Variants in NRXN1 observed in about 807,000 individuals in gnomAD.
NRXN1 encodes neurexin-1.
NRXN1 carries 39 observed loss-of-function variants against 150.9 expected under a neutral mutation model. That is an observed-to-expected ratio of 0.26 (90% CI 0.20 to 0.34). The LOEUF is 0.34. NRXN1 is among the 10% of genes least tolerant of loss of function. The pLI is 1.00. For missense variants in NRXN1, 1,815 were observed against 1,949.9 expected, an observed-to-expected ratio of 0.93 and a Z score of 1.30; for synonymous variants, 924 against 757.0, an observed-to-expected ratio of 1.22 and a Z score of -3.62.
intron 15 of NRXN1, among the ~76,000 whole-genome samples, chr2:50,481,765 T>C (rs1305624709): frequency 1.8e-5 from 2 of 112,540 alleles, no homozygotes; most frequent in African/African-American, 8.3e-5. Context: ...TGTTTCTTTT[T>C]TTTTTTTTTT....
At chr2:50,611,198 A>G (rs1349354142) in intron 8 of NRXN1, among the ~76,000 whole-genome samples, 1 of 152,032 alleles carries the variant, frequency 6.6e-6, no homozygotes, top group African/African-American at 2.4e-5. Flanking sequence ...GCTGCTTTCT[A>G]CTGGGCTGAA....
At chr2:50,503,827 G>T (rs752573466) in intron 13 of NRXN1, among the ~76,000 whole-genome samples, 2 of 152,090 alleles carry the variant, frequency 1.3e-5, no homozygotes, top group Admixed American at 6.6e-5. Flanking sequence ...GGGAGAAAAC[G>T]TAGTAATTAT....
intron 2 of NRXN1, among the ~76,000 whole-genome samples, chr2:51,013,735 T>A (rs1368406651): frequency 6.6e-6 from 1 of 152,076 alleles, no homozygotes; most frequent in Admixed American, 6.5e-5. Flanking sequence ...TCTGCTGACC[T>A]GTTCTCACAT....
At chr2:49,955,341 C>T (rs2104493733) in intron 21 of NRXN1, among the ~76,000 whole-genome samples, 1 of 152,234 alleles carries the variant, frequency 6.6e-6, no homozygotes, top group African/African-American at 2.4e-5. Context: ...TGCCTTATAA[C>T]ATCTCTAGAA....
At chr2:50,855,841 C>G (rs1675200346) in intron 5 of NRXN1, among the ~76,000 whole-genome samples, 1 of 151,910 alleles carries the variant, frequency 6.6e-6, no homozygotes, top group Admixed American at 6.6e-5. Context: ...CAAGACAAAC[C>G]TCTAAATATA....
At chr2:50,701,604 C>T (rs998605000) in intron 5 of NRXN1, among the ~76,000 whole-genome samples, 4 of 152,132 alleles carry the variant, frequency 2.6e-5, no homozygotes, top group East Asian at 1.9e-4. Flanking sequence ...TCTCTGTCAG[C>T]GTCCTGCATA....
intron 5 of NRXN1, among the ~76,000 whole-genome samples, chr2:50,737,950 T>A (rs991854427): frequency 2.0e-5 from 3 of 151,942 alleles, no homozygotes; most frequent in Admixed American, 1.3e-4. Flanking sequence ...CTAAGGAATA[T>A]CAACCAATCA....
At chr2:50,780,451 A>G (rs1247388565) in intron 5 of NRXN1, among the ~76,000 whole-genome samples, 4 of 152,132 alleles carry the variant, frequency 2.6e-5, no homozygotes, top group Admixed American at 2.6e-4. Flanking sequence ...TTATGAGTCT[A>G]TATTATTTCT....
At chr2:50,903,218 C>A (rs927222384) in intron 5 of NRXN1, among the ~76,000 whole-genome samples, 3 of 151,936 alleles carry the variant, frequency 2.0e-5, no homozygotes, top group Non-Finnish European at 4.4e-5. Context: ...ATTTGAGGAC[C>A]CTTTGCAATC....
intron 17 of NRXN1, among the ~76,000 whole-genome samples, chr2:50,382,050 G>C (rs1003643068): frequency 3.9e-5 from 6 of 152,114 alleles, no homozygotes; most frequent in African/African-American, 1.2e-4. Context: ...GCCCAGAGTA[G>C]AGCAGAGAGA....
chr2:50,975,154 T>C (rs1286530139), intron 2 of NRXN1, among the ~76,000 whole-genome samples: 1 of 152,158 alleles, frequency 6.6e-6, no homozygotes, highest in African/African-American at 2.4e-5. Context: ...CATGATTTGA[T>C]GATGTCATCA....
chr2:50,380,185 T>C (rs555708974), intron 17 of NRXN1, among the ~76,000 whole-genome samples: 2 of 152,078 alleles, frequency 1.3e-5, no homozygotes, highest in Non-Finnish European at 2.9e-5. Flanking sequence ...ACCTTACCAT[T>C]GTGAAACTCA....
intron 5 of NRXN1, among the ~76,000 whole-genome samples, chr2:50,859,834 ATGTTTG>A (rs746330732): frequency 2.3e-5 from 2 of 87,940 alleles, no homozygotes; most frequent in Admixed American, 1.2e-4. Flanking sequence ...ACACACAATT[ATGTTTG>A]TGTGTGTGTG....
chr2:50,872,596 G>T (rs1346948822), intron 5 of NRXN1, among the ~76,000 whole-genome samples: 1 of 151,468 alleles, frequency 6.6e-6, no homozygotes, highest in Non-Finnish European at 1.5e-5. Flanking sequence ...CAGGGCTCAA[G>T]AAAATAAGAA....
intron 5 of NRXN1, among the ~76,000 whole-genome samples, chr2:50,753,972 G>A (rs1038476943): frequency 4.4e-5 from 6 of 135,186 alleles, no homozygotes; most frequent in Middle Eastern, 4.0e-3. Flanking sequence ...TTTGGGGGGG[G>A]GCGGAATTCC....
At chr2:50,947,229 C>T (rs1167501768) in intron 2 of NRXN1, among the ~76,000 whole-genome samples, 1 of 151,946 alleles carries the variant, frequency 6.6e-6, no homozygotes, top group Non-Finnish European at 1.5e-5. Context: ...CAACATGATA[C>T]CCTTTTTCTA....
At chr2:50,685,396 T>G (rs915046582) in intron 5 of NRXN1, among the ~76,000 whole-genome samples, 1 of 152,188 alleles carries the variant, frequency 6.6e-6, no homozygotes, top group African/African-American at 2.4e-5. Flanking sequence ...CCATATCATC[T>G]GGATATCCCA....
intron 5 of NRXN1, among the ~76,000 whole-genome samples, chr2:50,736,093 A>G (rs1698706450): frequency 1.3e-5 from 2 of 152,052 alleles, no homozygotes; most frequent in Non-Finnish European, 2.9e-5. Flanking sequence ...ACAAAACACC[A>G]TTTCAATCAC....
At chr2:50,925,288 A>G (rs1686693044) in intron 3 of NRXN1, among the ~76,000 whole-genome samples, 1 of 151,878 alleles carries the variant, frequency 6.6e-6, no homozygotes, top group Non-Finnish European at 1.5e-5. Context: ...TATAAGCTAT[A>G]TAACTTCTTC....
Sources: allele counts gnomAD v4.1 joint callset (sites outside exome capture counted in the v4.1 genomes callset), GRCh38; gene constraint gnomAD v4.1.1; transcripts MANE v1.5; gene names NCBI Gene and HGNC (gene_info 2026-07-23, HGNC 2026-07-21).